Variants in OR52I2 observed in about 807,000 individuals in gnomAD.
OR52I2 encodes olfactory receptor family 52 subfamily I member 2.
For synonymous variants in OR52I2, 147 were observed against 151.9 expected (o/e 0.97, Z 0.24); for missense variants, 350 against 402.4 (o/e 0.87, Z 1.11).
chr11:4,583,150 T>A (rs1262788210), intron 1 of OR52I2, among the ~76,000 whole-genome samples: 3 of 152,120 alleles, frequency 2.0e-5, no homozygotes, highest in African/African-American at 7.2e-5. Flanking sequence ...AGCAATACAT[T>A]GAGTAAAATA....
chr11:4,590,069 T>C (rs1414739213), exon 2 of OR52I2: 4 of 152,212 alleles, frequency 2.6e-5, no homozygotes, highest in Non-Finnish European at 5.9e-5. Flanking sequence ...TTACCAGAGC[T>C]TTCTGAAAAC....
chr11:4,588,293 A>C (rs1846324773), exon 2 of OR52I2: 1 of 168,648 alleles, frequency 5.9e-6, no homozygotes, highest in African/African-American at 2.4e-5. Flanking sequence ...TCTATTTCTT[A>C]GTTTTTCATA....
intron 1 of OR52I2, among the ~76,000 whole-genome samples, chr11:4,582,433 CA>C (rs1485754144): frequency 0.01 from 773 of 74,652 alleles, 12 homozygotes; most frequent in African/African-American, 0.032. Flanking sequence ...ATTTATTTTT[CA>C]TTTTTTTTTT....
At chr11:4,588,199 T>A in exon 2 of OR52I2, 1 of 281,308 alleles carries the variant, frequency 3.6e-6, no homozygotes, top group East Asian at 7.7e-5. Context: ...ACTCTTAAAA[T>A]GAAAGACAAC....
chr11:4,585,468 C>T (rs1291547681), intron 1 of OR52I2, among the ~76,000 whole-genome samples: 1 of 152,160 alleles, frequency 6.6e-6, no homozygotes. Context: ...TAAAGGGCTA[C>T]CACGCAGGAC....
intron 1 of OR52I2, among the ~76,000 whole-genome samples, chr11:4,583,804 T>G (rs1003504773): frequency 2.0e-5 from 3 of 152,238 alleles, no homozygotes; most frequent in Non-Finnish European, 2.9e-5. Flanking sequence ...AATTTTGGCT[T>G]TTTAGAAAAC....
intron 1 of OR52I2, 29 bp from the exon 2 acceptor site, chr11:4,586,840 ATTC>A: frequency 6.2e-7 from 1 of 1,614,018 alleles, no homozygotes; most frequent in African/African-American, 1.3e-5. Context: ...ACGGGATTGC[ATTC>A]TTCTCATACA....
chr11:4,583,085 T>G (rs1846271860), intron 1 of OR52I2, among the ~76,000 whole-genome samples: 1 of 152,160 alleles, frequency 6.6e-6, no homozygotes, highest in Non-Finnish European at 1.5e-5. Flanking sequence ...AAAGAGTCAC[T>G]GGCAACAGAT....
At position 4,587,478 on chromosome 11, in the gene OR52I2, C is replaced by T. The variant is rs745978090; in HGVS notation, c.588C>T (p.Pro196=). 2.7e-5 allele frequency: 44 copies of T among 1,614,038 alleles called. 1 individual carries two copies. Among genetic ancestry groups the T allele is most frequent in the Middle Eastern group, 1.6e-4 (1 of 6,082 alleles). Reference sequence around the variant, plus strand: ...TGGCCAGGTTAGCATGTGCTGACCCCGTGCCCAGCAGTCTCTACAGTCTGA... The same window carrying T: ...TGGCCAGGTTAGCATGTGCTGACCCTGTGCCCAGCAGTCTCTACAGTCTGA... The change falls in exon 2 of 2, where the codon CCC becomes CCT. Residue 196 remains proline (P), a synonymous_variant. Transcript: ENST00000641896.
chr11:4,590,880 T>A (rs1334441817), exon 2 of OR52I2: 1 of 152,248 alleles, frequency 6.6e-6, no homozygotes, highest in East Asian at 1.9e-4. Flanking sequence ...AATCTGATTA[T>A]GATGTGGATA....
chr11:4,587,586 C>G (rs1448218965), exon 2 of OR52I2: 3 of 1,614,110 alleles, frequency 1.9e-6, no homozygotes, highest in Admixed American at 1.7e-5. Context: ...TATTTGGTCT[C>G]TCCTCAAAGA....
intron 1 of OR52I2, among the ~76,000 whole-genome samples, chr11:4,584,127 C>A (rs1182402010): frequency 6.6e-6 from 1 of 152,154 alleles, no homozygotes; most frequent in Non-Finnish European, 1.5e-5. Flanking sequence ...ACTATGGAAA[C>A]CCTTTATTCA....
exon 2 of OR52I2, chr11:4,592,194 T>C (rs4910632): frequency 0.99 from 150,154 of 152,342 alleles, 74,038 homozygotes; most frequent in Middle Eastern, 1. Flanking sequence ...TACCAAGCAT[T>C]ACACTAAGCA....
chr11:4,586,335 A>G (rs570924598), intron 1 of OR52I2, among the ~76,000 whole-genome samples: 1 of 152,302 alleles, frequency 6.6e-6, no homozygotes, highest in East Asian at 1.9e-4. Flanking sequence ...TTTTGTTCAT[A>G]TAACAACTAG....
At chr11:4,588,078 A>C in exon 2 of OR52I2, 8 of 574,192 alleles carry the variant, frequency 1.4e-5, no homozygotes, top group Non-Finnish European at 1.9e-5. Flanking sequence ...ATCAGAGACA[A>C]GTTTTGGTAG....
At chr11:4,592,833 T>A (rs1846361868) in exon 2 of OR52I2, 1 of 152,238 alleles carries the variant, frequency 6.6e-6, no homozygotes, top group African/African-American at 2.4e-5. Flanking sequence ...AGCTGCTGGC[T>A]GTGCACAGCA....
In OR52I2 at chr11:4,587,630, C is replaced by A. The variant is rs542810905; in HGVS notation, c.740C>A (p.Ser247Tyr). The A allele has an allele frequency of 1.2e-4, 198 of 1,614,090 alleles. No homozygotes were observed. In the East Asian group the frequency reaches 4.3e-3, roughly 35 times the overall value. Residue 247 changes from serine (S) to tyrosine (Y), a missense_variant, in exon 2 of 2, where the codon TCC (serine) becomes TAC (tyrosine). Ser to Tyr is a moderately radical substitution (Grantham distance 144, BLOSUM62 -2). Coordinates refer to ENST00000641896, the Ensembl canonical transcript of OR52I2. ...TTGAAAGCATTAAGCACATGTGGCT[C>A]CCATGTGGGGGTTATGGCTTTGTAC...
At chr11:4,587,105 C>T (rs368491751) in exon 2 of OR52I2, 7 of 1,614,056 alleles carry the variant, frequency 4.3e-6, no homozygotes, top group Non-Finnish European at 4.2e-6. Context: ...GTTCTGGCTG[C>T]TGTGGACATT....
At chr11:4,587,524 G>A in exon 2 of OR52I2, 2 of 1,614,142 alleles carry the variant, frequency 1.2e-6, no homozygotes, top group Non-Finnish European at 1.7e-6. Flanking sequence ...TCTTATGGTG[G>A]GCTCTGATGT....
Sources: allele counts gnomAD v4.1 joint callset (sites outside exome capture counted in the v4.1 genomes callset), GRCh38; gene constraint gnomAD v4.1.1; transcripts MANE v1.5; gene names NCBI Gene and HGNC (gene_info 2026-07-23, HGNC 2026-07-21).